The following JAG2 variants were observed in gnomAD, a reference collection of about 807,000 sequenced individuals.
JAG2 encodes jagged canonical Notch ligand 2, also known as protein jagged-2.
JAG2 carries 46 observed loss-of-function variants against 141.7 expected under a neutral mutation model. That is an observed-to-expected ratio of 0.32 (90% confidence interval 0.26 to 0.42). JAG2 has a LOEUF of 0.42. Among genes scored for constraint, JAG2 ranks in the 10% least tolerant of loss-of-function variants. The probability of loss-of-function intolerance (pLI) is 1.00; values close to 1 mark genes in which losing one functional copy is unlikely to be tolerated. For synonymous variants in JAG2, 862 were observed against 763.5 expected (o/e 1.13, Z -2.13); for missense variants, 1,500 against 1,817.5 (o/e 0.83, Z 3.18).
At chr14:105,166,459 T>C (rs928103076) in intron 2 of JAG2, among the ~76,000 whole-genome samples, 2 of 152,194 alleles carry the variant, frequency 1.3e-5, no homozygotes, top group Non-Finnish European at 2.9e-5. Flanking sequence ...GGCCCTCCCA[T>C]GCCCGCCCCT....
intron 3 of JAG2, among the ~76,000 whole-genome samples, chr14:105,156,846 C>A (rs1356505028): frequency 6.6e-6 from 1 of 152,128 alleles, no homozygotes; most frequent in African/African-American, 2.4e-5. Flanking sequence ...CTCTCTGCCA[C>A]CCCCTCAGGA....
chr14:105,146,516 G>A lies in JAG2; in HGVS notation c.2594-16C>T. On this transcript the variant is annotated splice_polypyrimidine_tract_variant and intron_variant, in intron 21 of 25. Coordinates refer to ENST00000331782, the MANE Select transcript of JAG2 (RefSeq NM_002226.5). ...AACCCGATCACTGTGGGGAGAAGGG[G>A]CTCGAGGGTCAGCAGTGGGCATCTG... 8 of 1,610,828 alleles carry A rather than the reference G, an allele frequency of 5.0e-6. No homozygotes were observed. The highest frequency in any genetic ancestry group is 6.8e-6 in the Non-Finnish European group (8 of 1,178,192).
At position 105,154,987 on chromosome 14, in the gene JAG2, CCGCTGG is replaced by C. The variant is rs1410229503; in HGVS notation, c.788+569_788+574del. Among the ~76,000 whole-genome samples the C allele has an allele frequency of 1.4e-5, 2 of 142,474 alleles. No individual in the cohort carries two copies. Among genetic ancestry groups the C allele is most frequent in the Non-Finnish European group, 3.1e-5 (2 of 65,256 alleles). 93.5% of individuals were successfully genotyped at this position (142,474 alleles called of 152,430 possible). A position where few individuals can be genotyped will look rare whatever the true frequency, so the allele number is the denominator to read the frequency against. ...CCCTTCCACTGACCCCCTCCCCATC[CCGCTGG>C]CCCCTCCCCCACCACCCCCACATGC... is the stretch of plus-strand genomic sequence containing the variant. On this transcript the variant is annotated intron_variant, in intron 5 of 25. Coordinates refer to ENST00000331782, the MANE Select transcript of JAG2 (RefSeq NM_002226.5). The surrounding 1 kb of genome is among the most constrained non-coding windows in gnomAD (Gnocchi z 4.4).
At chr14:105,150,522 T>G in intron 12 of JAG2, 82 bp downstream of exon 12, 1 of 1,386,826 alleles carries the variant, frequency 7.2e-7, no homozygotes, top group South Asian at 1.4e-5. Context: ...CCTGGGTCAC[T>G]CAGGCCCCAT....
At chr14:105,160,287 C>T (rs1195185347) in intron 2 of JAG2, among the ~76,000 whole-genome samples, 1 of 87,214 alleles carries the variant, frequency 1.1e-5, no homozygotes, top group Non-Finnish European at 2.3e-5. Flanking sequence ...CCTTGGGGTT[C>T]CCAAGGCTCC....
Position 105,168,046 on chromosome 14 carries a change from T to G in JAG2, c.128A>C (p.Glu43Ala). ...QLSALRNVNG[E>A]LLSGACCDGD... Reference sequence around the variant, plus strand: ...GTCACAGCAGGCGCCGCTCAGCAGCTCCCCGTTCACGTTCCGCAGCGCGCT... The same window carrying G: ...GTCACAGCAGGCGCCGCTCAGCAGCGCCCCGTTCACGTTCCGCAGCGCGCT... Residue 43 changes from glutamate (E) to alanine (A), a missense_variant, in exon 2 of 26, where the codon GAG (glutamate) becomes GCG (alanine). Around this residue, in one of 3 missense-constraint regions of JAG2, gnomAD observed 200 missense variants for 174.3 expected, o/e 1.15. Transcript: ENST00000331782. The G allele has an allele frequency of 6.3e-7, 1 of 1,593,234 alleles. No homozygotes were observed. The highest frequency in any genetic ancestry group is 8.5e-7 in the Non-Finnish European group (1 of 1,176,298).
At position 105,151,066 on chromosome 14, in the gene JAG2, A is replaced by T. The variant is rs1167125935; in HGVS notation, c.1306T>A (p.Phe436Ile). The change falls in exon 10 of 26, where the codon TTT becomes ATT. Residue 436 changes from phenylalanine to isoleucine, a missense_variant. Coordinates refer to ENST00000331782, the MANE Select transcript of JAG2 (RefSeq NM_002226.5). ...ECEGKPCLNA[F>I]SCKNLIGGYY... is the part of the protein sequence containing the mutation. Reference sequence around the variant, plus strand: ...CCGCCAATCAGGTTTTTGCAAGAAAAAGCGTTAAGGCATGGCTTCCCTTCA... The same window carrying T: ...CCGCCAATCAGGTTTTTGCAAGAAATAGCGTTAAGGCATGGCTTCCCTTCA... 1.2e-6 allele frequency: 2 copies of T among 1,613,190 alleles called. No homozygotes were observed. Among genetic ancestry groups the T allele is most frequent in the Non-Finnish European group, 1.7e-6 (2 of 1,179,790 alleles).
chr14:105,158,098 A>G (rs2140987446), intron 2 of JAG2, among the ~76,000 whole-genome samples: 2 of 152,224 alleles, frequency 1.3e-5, no homozygotes, highest in Admixed American at 1.3e-4. Context: ...GAGGTGGGCA[A>G]AGGGCAGCCT....
In JAG2 at chr14:105,142,242, G is replaced by A; in HGVS notation, c.*453C>T. ...CCACGAGTCCCACCGACAGCCACAG[G>A]CCACACCATCAGCCACGGGTCCCAC... On this transcript the variant is annotated 3_prime_UTR_variant, in exon 26 of 26. Transcript: ENST00000331782. The A allele has an allele frequency of 5.9e-6, 1 of 169,588 alleles. No homozygotes were observed. Among genetic ancestry groups the A allele is most frequent in the South Asian group, 1.6e-4 (1 of 6,396 alleles). 10.5% of individuals were successfully genotyped at this position (169,588 alleles called of 1,614,324 possible). A position where few individuals can be genotyped will look rare whatever the true frequency, so the allele number is the denominator to read the frequency against.
In JAG2 at chr14:105,143,506, C is replaced by T; in HGVS notation, c.3217G>A (p.Val1073Ile). 6.4e-7 allele frequency: 1 copy of T among 1,569,022 alleles called. No homozygotes were observed. The highest frequency in any genetic ancestry group is 8.6e-7 in the Non-Finnish European group (1 of 1,159,196). The stretch of plus-strand genomic sequence containing the variant: ...CCTGTGGAAGAGCCGCCCGTAACAA[C>T]CGTCTCCACCTTGACCTCGGTGACA... ...LAVTEVKVETVVTGGSSTGLL... is the reference protein window; with the variant it reads ...LAVTEVKVETIVTGGSSTGLL... The change falls in exon 25 of 26, where the codon GTT becomes ATT. Residue 1073 changes from valine (V) to isoleucine (I), a missense_variant. By Grantham distance (29) the Val-to-Ile change is conservative. Transcript: ENST00000331782.
In JAG2 at chr14:105,142,956, C is replaced by G. The variant is rs753436376; in HGVS notation, c.3456G>C (p.Lys1152Asn). Residue 1152 changes from lysine to asparagine, a missense_variant, in exon 26 of 26, where the codon AAG becomes AAC. Coordinates refer to ENST00000331782, the MANE Select transcript of JAG2 (RefSeq NM_002226.5). ...GGHKDVLYQC[K>N]NFTPPPRRAD... is the part of the protein sequence containing the mutation. ...CCCTGCGCGGCGGCGGCGTGAAGTT[C>G]TTGCACTGGTAGAGCACGTCCTTGT... The G allele has an allele frequency of 1.2e-6, 2 of 1,610,144 alleles. No homozygotes were observed. Among genetic ancestry groups the G allele is most frequent in the Non-Finnish European group, 1.7e-6 (2 of 1,178,712 alleles).
At chr14:105,164,348 C>T (rs1490147115) in intron 2 of JAG2, among the ~76,000 whole-genome samples, 3 of 152,200 alleles carry the variant, frequency 2.0e-5, no homozygotes, top group African/African-American at 7.2e-5. Context: ...GCTCTGGGCC[C>T]CAGGGCCATG....
chr14:105,143,004 G>A lies in JAG2; in HGVS notation c.3408C>T (p.Asn1136=). Residue 1136 remains asparagine, a synonymous_variant, in exon 26 of 26, where the codon AAC becomes AAT. Coordinates refer to ENST00000331782, the MANE Select transcript of JAG2 (RefSeq NM_002226.5). ...TGTGGCCCCCCGGCCGCTCAATGGGGTTGCGGATGGGGTTGAGCGGGGCCC... is the reference window on the plus strand; with the variant it reads ...TGTGGCCCCCCGGCCGCTCAATGGGATTGCGGATGGGGTTGAGCGGGGCCC... ...NQWAPLNPIR[N]PIERPGGHKD... 1 of 1,607,426 alleles carries A rather than the reference G, an allele frequency of 6.2e-7. No individual in the cohort carries two copies. Among genetic ancestry groups the A allele is most frequent in the South Asian group, 1.1e-5 (1 of 91,038 alleles).
chr14:105,155,365 C>A (rs749682503), intron 5 of JAG2, among the ~76,000 whole-genome samples, 197 bp downstream of exon 5: 1 of 152,172 alleles, frequency 6.6e-6, no homozygotes, highest in East Asian at 1.9e-4. Context: ...CACATGGCTG[C>A]CGCCATCAGA....
At chr14:105,147,285 G>C in intron 20 of JAG2, 41 bp downstream of exon 20, 1 of 1,504,042 alleles carries the variant, frequency 6.6e-7, no homozygotes, top group South Asian at 1.2e-5. Flanking sequence ...ACCGCGGCTG[G>C]GCTGAGGGGC....
chr14:105,143,346 G>T (rs587634498), intron 25 of JAG2, 136 bp downstream of exon 25: 2 of 1,286,086 alleles, frequency 1.6e-6, no homozygotes, highest in African/African-American at 1.5e-5. Context: ...TTGTGGGGCT[G>T]GGCGGCTGGG....
rs1888114692 is a variant in JAG2 at position 105,143,137 on chromosome 14, C to T, written c.3275G>A (p.Ser1092Asn). ...GACCACGCACGCCAGCCACAGCACGCTGAAGGCACCACACAGCACAGGCAC... is the reference window on the plus strand; with the variant it reads ...GACCACGCACGCCAGCCACAGCACGTTGAAGGCACCACACAGCACAGGCAC... ...LLVPVLCGAFSVLWLACVVLC... is the reference protein window; with the variant it reads ...LLVPVLCGAFNVLWLACVVLC... The change falls in exon 26 of 26, where the codon AGC (serine) becomes AAC (asparagine). Residue 1092 changes from serine (S) to asparagine (N), a missense_variant. Transcript: ENST00000331782. 2.5e-6 allele frequency: 4 copies of T among 1,598,828 alleles called. No individual in the cohort carries two copies. Among genetic ancestry groups the T allele is most frequent in the Non-Finnish European group, 3.4e-6 (4 of 1,179,706 alleles).
At chr14:105,146,099 G>T in intron 22 of JAG2, 126 bp from the exon 23 acceptor site, 1 of 1,447,126 alleles carries the variant, frequency 6.9e-7, no homozygotes, top group Non-Finnish European at 9.3e-7. Flanking sequence ...AAGTCTGTGA[G>T]CCCCAGGGCC....
At position 105,167,593 on chromosome 14, in the gene JAG2, G is replaced by T. The variant is rs1301517693; in HGVS notation, c.417+164C>A. Reference sequence around the variant, plus strand: ...CCGGCGCGCCCACGTGGCCAGGCGCGGACCAAGTCCCCAGAGCACGCGCCC... The same window carrying T: ...CCGGCGCGCCCACGTGGCCAGGCGCTGACCAAGTCCCCAGAGCACGCGCCC... On this transcript the variant is annotated intron_variant, in intron 2 of 25. Coordinates refer to ENST00000331782, the MANE Select transcript of JAG2 (RefSeq NM_002226.5). This position sits in a 1 kb window ranked among gnomAD's most constrained non-coding sequence, Gnocchi z 4.8. 6.8e-6 allele frequency among the ~76,000 whole-genome samples: 1 copy of T among 148,078 alleles called. No homozygotes were observed. Among genetic ancestry groups the T allele is most frequent in the Non-Finnish European group, 1.5e-5 (1 of 66,586 alleles).
Sources: gnomAD v4.1 joint callset for allele counts (sites outside exome capture counted in the v4.1 genomes callset) on GRCh38, gnomAD v4.1.1 for gene constraint, gnomAD v4.1.1 regional missense constraint, Gnocchi (gnomAD v3.1) non-coding constraint, MANE v1.5 for transcripts, NCBI Gene and HGNC (gene_info 2026-07-23, HGNC 2026-07-21) for gene names.